Variants in PID1 observed in about 807,000 individuals in gnomAD.
The protein encoded by PID1 is PTB-containing, cubilin and LRP1-interacting protein.
Under a neutral mutation model 19.1 loss-of-function variants are expected in PID1, and 10 were observed. The ratio of observed to expected loss-of-function variants is 0.52; its 90% CI spans 0.32 to 0.89. PID1 has a LOEUF of 0.89. Among genes scored for constraint, PID1 ranks in the 40% least tolerant of loss-of-function variants. PID1 has a pLI of 0.03. For missense variants in PID1, 248 were observed against 285.3 expected (o/e 0.87, Z 0.94); for synonymous variants, 130 against 116.0 (o/e 1.12, Z -0.78).
chr2:229,062,269 G>A (rs1252777942), intron 2 of PID1, among the ~76,000 whole-genome samples: 2 of 151,800 alleles, frequency 1.3e-5, no homozygotes, highest in Non-Finnish European at 3.0e-5. Context: ...TCCTTCTGTG[G>A]CTAATTTGCT....
At chr2:229,259,718 C>T (rs761089749) in intron 1 of PID1, among the ~76,000 whole-genome samples, 5 of 152,258 alleles carry the variant, frequency 3.3e-5, no homozygotes, top group South Asian at 4.1e-4. Flanking sequence ...TTTCTTCAGT[C>T]GCTATGGTCT....
chr2:229,120,212 T>C (rs1695489538), intron 2 of PID1, among the ~76,000 whole-genome samples: 1 of 152,088 alleles, frequency 6.6e-6, no homozygotes, highest in South Asian at 2.1e-4. Flanking sequence ...CAGTCAAAAA[T>C]CCACATATAA....
At chr2:229,252,745 T>G (rs1361588184) in intron 1 of PID1, among the ~76,000 whole-genome samples, 1 of 152,240 alleles carries the variant, frequency 6.6e-6, no homozygotes, top group African/African-American at 2.4e-5. Flanking sequence ...CTGAATATTT[T>G]AATATAATTT....
intron 1 of PID1, among the ~76,000 whole-genome samples, chr2:229,238,800 A>G (rs1036839012): frequency 2.8e-4 from 43 of 152,208 alleles, no homozygotes; most frequent in African/African-American, 8.9e-4. Flanking sequence ...CATGGGTGCT[A>G]GTATTGGTCA....
chr2:229,132,901 CA>C (rs1225497457), intron 2 of PID1, among the ~76,000 whole-genome samples: 25 of 152,194 alleles, frequency 1.6e-4, no homozygotes, highest in Non-Finnish European at 3.2e-4. Flanking sequence ...CATAAATACA[CA>C]AAGTAAAGAT....
At chr2:229,066,765 A>G (rs74821566) in intron 2 of PID1, among the ~76,000 whole-genome samples, 3,499 of 151,968 alleles carry the variant, frequency 0.023, 145 homozygotes, top group African/African-American at 0.082. Context: ...CCCTCCATTA[A>G]GAAATCAAAT....
At chr2:229,226,735 G>T (rs762619852) in intron 1 of PID1, among the ~76,000 whole-genome samples, 2 of 152,108 alleles carry the variant, frequency 1.3e-5, no homozygotes, top group Non-Finnish European at 2.9e-5. Flanking sequence ...CATGAAACTT[G>T]CCAGAAATAA....
intron 2 of PID1, among the ~76,000 whole-genome samples, chr2:229,043,393 T>A (rs1052568585): frequency 6.6e-6 from 1 of 152,194 alleles, no homozygotes; most frequent in Non-Finnish European, 1.5e-5. Context: ...TTATGGATTG[T>A]AATTTTGAAT....
intron 1 of PID1, among the ~76,000 whole-genome samples, chr2:229,163,680 T>TGC (rs1553570262): frequency 6.7e-5 from 7 of 103,810 alleles, no homozygotes; most frequent in Non-Finnish European, 1.8e-4. Context: ...TGTGTGCGTG[T>TGC]GCGTGTGTGT....
chr2:229,097,875 C>T (rs1695001348), intron 2 of PID1, among the ~76,000 whole-genome samples: 1 of 152,110 alleles, frequency 6.6e-6, no homozygotes, highest in African/African-American at 2.4e-5. Flanking sequence ...GATTTTCTTT[C>T]AATAAGCAAA....
chr2:229,207,456 T>A (rs566352204), intron 1 of PID1, among the ~76,000 whole-genome samples: 1 of 149,674 alleles, frequency 6.7e-6, no homozygotes, highest in African/African-American at 2.5e-5. Context: ...CAAATATGAG[T>A]TTCTTCTCTT....
chr2:229,258,274 G>A (rs1018292796), intron 1 of PID1, among the ~76,000 whole-genome samples: 2 of 152,214 alleles, frequency 1.3e-5, no homozygotes, highest in Non-Finnish European at 2.9e-5. Flanking sequence ...CTTTGGTCTG[G>A]ATTTGTTCTC....
At chr2:229,215,296 CTATT>C in intron 1 of PID1, among the ~76,000 whole-genome samples, 1 of 152,300 alleles carries the variant, frequency 6.6e-6, no homozygotes, top group Non-Finnish European at 1.5e-5. Flanking sequence ...TTCTGTGACT[CTATT>C]TGAGTCTTTT....
At chr2:229,237,038 T>C (rs976112243) in intron 1 of PID1, among the ~76,000 whole-genome samples, 1 of 151,342 alleles carries the variant, frequency 6.6e-6, no homozygotes, top group Non-Finnish European at 1.5e-5. Context: ...ACTTCTAATA[T>C]AGATGAGGAT....
At position 229,192,564 on chromosome 2, in the gene PID1, T is replaced by C. The variant is rs891982644; in HGVS notation, c.31-36600A>G. Among the ~76,000 whole-genome samples the C allele has an allele frequency of 5.3e-5, 8 of 152,294 alleles. No individual in the cohort carries two copies. The East Asian group carries it at 9.6e-4, about 18-fold the overall frequency. ...TCACAAGCAATAATTTGAAGAATCA[T>C]AGACACCCAATAATCAAAGACTGAA... On this transcript the variant is annotated intron_variant, in intron 1 of 2. Coordinates refer to ENST00000392055, the MANE Select transcript of PID1 (RefSeq NM_001100818.2).
chr2:229,041,017 A>G (rs1693760509), intron 2 of PID1, among the ~76,000 whole-genome samples: 1 of 152,192 alleles, frequency 6.6e-6, no homozygotes, highest in Admixed American at 6.5e-5. Flanking sequence ...CTAGATATGT[A>G]GACACTGACA....
At chr2:229,091,571 C>T (rs2106219573) in intron 2 of PID1, among the ~76,000 whole-genome samples, 1 of 152,210 alleles carries the variant, frequency 6.6e-6, no homozygotes, top group East Asian at 1.9e-4. Context: ...CTAAAAGAGG[C>T]CCTAAAGAGA....
At chr2:229,196,477 A>G (rs956463454) in intron 1 of PID1, among the ~76,000 whole-genome samples, 2 of 152,128 alleles carry the variant, frequency 1.3e-5, no homozygotes, top group Admixed American at 1.3e-4. Flanking sequence ...AAAACAATTC[A>G]TTAAAACATG....
intron 1 of PID1, among the ~76,000 whole-genome samples, chr2:229,198,044 A>G (rs1691413355): frequency 6.6e-6 from 1 of 152,048 alleles, no homozygotes; most frequent in South Asian, 2.1e-4. Context: ...TAATTACAAA[A>G]CCGCTGATAG....
Sources: gnomAD v4.1 joint callset for allele counts (sites outside exome capture counted in the v4.1 genomes callset) on GRCh38, gnomAD v4.1.1 for gene constraint, MANE v1.5 for transcripts, NCBI Gene and HGNC (gene_info 2026-07-23, HGNC 2026-07-21) for gene names.